Variants in CDKL5 observed in about 807,000 individuals in gnomAD.
CDKL5 encodes cyclin-dependent kinase-like 5.
In CDKL5, 8 loss-of-function variants were observed where a neutral mutation model predicts 61.7. The observed-to-expected ratio is 0.13, with a 90% CI of 0.08 to 0.23. The LOEUF (loss-of-function observed/expected upper bound fraction) is 0.23. Ranked by LOEUF, CDKL5 falls within the 10% of genes least tolerant of loss-of-function variation. CDKL5 has a pLI of 1.00. For missense variants in CDKL5, 440 were observed against 734.5 expected (o/e 0.60, Z 4.63); for synonymous variants, 275 against 272.3 (o/e 1.01, Z -0.10).
intron 17 of CDKL5, 135 bp from the exon 18 acceptor site, chrX:18,628,236 C>A: frequency 1.6e-6 from 1 of 611,665 alleles, no homozygotes; most frequent in Non-Finnish European, 2.8e-6. Context: ...ACAGATATGG[C>A]TGGACCGGCT....
chrX:18,501,300 A>C (rs775511734), intron 1 of CDKL5, among the ~76,000 whole-genome samples: 29 of 109,819 alleles, frequency 2.6e-4, no homozygotes, highest in Non-Finnish European at 4.6e-4. Context: ...CAGTCTCCCG[A>C]GTAGCTGGGA....
chrX:18,559,364 A>G (rs763713314), intron 3 of CDKL5, among the ~76,000 whole-genome samples: 3 of 110,730 alleles, frequency 2.7e-5, no homozygotes, highest in East Asian at 5.7e-4. Flanking sequence ...ACGCGCCACC[A>G]TGCCGGGCTA....
intron 3 of CDKL5, among the ~76,000 whole-genome samples, chrX:18,540,159 T>G (rs759912685): frequency 1.1e-4 from 12 of 109,629 alleles, no homozygotes; most frequent in Admixed American, 3.9e-4. Context: ...CTTTCTTGGT[T>G]GTTGTTGTTG....
At chrX:18,610,574 AT>A (rs777093679) in intron 14 of CDKL5, among the ~76,000 whole-genome samples, 21 of 112,827 alleles carry the variant, frequency 1.9e-4, no homozygotes, top group Non-Finnish European at 3.4e-4. Flanking sequence ...TTTCATAAAT[AT>A]TTGTCAATTG....
intron 14 of CDKL5, 43 bp from the exon 15 acceptor site, chrX:18,613,093 TAAAAAAAAAAAAAAAA>T (rs368997720): frequency 1.0e-5 from 8 of 766,280 alleles, no homozygotes; most frequent in Non-Finnish European, 1.4e-5. Flanking sequence ...AGACTCTGTC[TAAAAAAAAAAAAAAAA>T]AAAAAGAAAA....
chrX:18,527,257 AGAATGAGTTAG>A (rs1354207976), intron 3 of CDKL5, among the ~76,000 whole-genome samples: 1 of 112,212 alleles, frequency 8.9e-6, no homozygotes, highest in Non-Finnish European at 1.9e-5. Flanking sequence ...CTGACCTCAT[AGAATGAGTTAG>A]GAAGTATTCC....
Position 18,637,549 on chromosome X carries a change from G to A in CDKL5, c.*8792G>A, listed in dbSNP as rs1345335841. ...TGCACTCCCACCTGGACGACAGAGC[G>A]AGACGCCATCTCAAAAATAAATAAA... On this transcript the variant is annotated 3_prime_UTR_variant, in exon 18 of 18. Transcript: ENST00000623535. The A allele has an allele frequency of 1.8e-5, 2 of 110,498 alleles. No individual in the cohort carries two copies. Among genetic ancestry groups the A allele is most frequent in the African/African-American group, 3.3e-5 (1 of 30,301 alleles). The allele number at this position is 110,498 out of a possible 1,213,427, so 9.1% of individuals were successfully genotyped here.
At chrX:18,455,180 G>A (rs777821019) in intron 1 of CDKL5, among the ~76,000 whole-genome samples, 2 of 111,674 alleles carry the variant, frequency 1.8e-5, no homozygotes, top group South Asian at 3.7e-4. Flanking sequence ...TGAAACTAGT[G>A]CAGAATAATA....
intron 3 of CDKL5, among the ~76,000 whole-genome samples, chrX:18,553,638 G>C (rs1193053637): frequency 9.0e-6 from 1 of 110,989 alleles, no homozygotes; most frequent in Admixed American, 9.6e-5. Context: ...GACTACAGGC[G>C]TGTGCTACCA....
intron 1 of CDKL5, among the ~76,000 whole-genome samples, chrX:18,499,813 C>T (rs1045315778): frequency 1.8e-5 from 2 of 111,833 alleles, no homozygotes; most frequent in Admixed American, 1.9e-4. Context: ...TCTTACCTTG[C>T]GTGTTTGGCC....
chrX:18,586,346 A>G (rs1294865268), intron 8 of CDKL5, among the ~76,000 whole-genome samples: 1 of 111,735 alleles, frequency 8.9e-6, no homozygotes, highest in Admixed American at 9.6e-5. Flanking sequence ...TATGAAGTAG[A>G]TCATTCTTAG....
chrX:18,643,829 A>AATAT (rs755520723), downstream of CDKL5, among the ~76,000 whole-genome samples: 352 of 105,883 alleles, frequency 3.3e-3, 4 homozygotes, highest in African/African-American at 0.011. Context: ...ATTCATAGCA[A>AATAT]ATATATATAT....
chrX:18,651,264 T>TGAGAGAGA (rs1191836877), intron 21 of CDKL5, among the ~76,000 whole-genome samples: 7 of 69,007 alleles, frequency 1.0e-4, no homozygotes, highest in African/African-American at 4.4e-4. Flanking sequence ...TGTGTGTGTG[T>TGAGAGAGA]GAGAGAGAGA....
At chrX:18,430,684 G>C (rs1024354463) in intron 1 of CDKL5, among the ~76,000 whole-genome samples, 6 of 109,265 alleles carry the variant, frequency 5.5e-5, no homozygotes, top group African/African-American at 2.0e-4. Flanking sequence ...AGCTCAGACA[G>C]TCCCCCCGCT....
At chrX:18,620,285 C>A (rs1204455592) in intron 16 of CDKL5, among the ~76,000 whole-genome samples, 1 of 112,121 alleles carries the variant, frequency 8.9e-6, no homozygotes, top group Non-Finnish European at 1.9e-5. Context: ...TTGTTTCTCT[C>A]TGGGGATTTA....
At chrX:18,647,512 A>C in intron 20 of CDKL5, 2 of 469,877 alleles carry the variant, frequency 4.3e-6, no homozygotes, top group South Asian at 6.2e-5. Flanking sequence ...TCACGCAAGA[A>C]AGGAATGAAG....
In CDKL5 at chrX:18,478,288, T is replaced by C. The variant is rs1438522553; in HGVS notation, c.-162-28647T>C. Among the ~76,000 whole-genome samples the C allele has an allele frequency of 3.6e-4, 7 of 19,566 alleles. No individual in the cohort carries two copies. The African/African-American group carries it at 4.8e-3, about 13-fold the overall frequency. The allele number at this position is 19,566 out of a possible 115,157, so 17.0% of individuals were successfully genotyped here. A position where few individuals can be genotyped will look rare whatever the true frequency, so the allele number is the denominator to read the frequency against. On this transcript the variant is annotated intron_variant, in intron 1 of 17. Transcript: ENST00000623535. ...CCATCGTTTGTTTCTTTTCTTTCCT[T>C]TTTTTTTTTTTTTTTTGAGATGGAG...
chrX:18,555,302 T>A (rs763012629), intron 3 of CDKL5, among the ~76,000 whole-genome samples: 2 of 111,884 alleles, frequency 1.8e-5, no homozygotes, highest in African/African-American at 6.5e-5. Context: ...TGAACTAGAT[T>A]TAGTTTTTAA....
At chrX:18,460,730 G>T (rs1298040645) in intron 1 of CDKL5, among the ~76,000 whole-genome samples, 1 of 111,130 alleles carries the variant, frequency 9.0e-6, no homozygotes, top group Non-Finnish European at 1.9e-5. Flanking sequence ...TGAACTCCTG[G>T]GCTCAAGTGA....
Sources: gnomAD v4.1 joint callset for allele counts (sites outside exome capture counted in the v4.1 genomes callset) on GRCh38, gnomAD v4.1.1 for gene constraint, MANE v1.5 for transcripts, NCBI Gene and HGNC (gene_info 2026-07-23, HGNC 2026-07-21) for gene names.